The following MAD2L2 variants were observed in gnomAD, a reference collection of about 807,000 sequenced individuals.
MAD2L2 encodes the protein mitotic arrest deficient 2 like 2.
A neutral mutation model predicts 30.5 loss-of-function variants in MAD2L2; 17 were observed. That is an observed-to-expected ratio of 0.56 (90% CI 0.38 to 0.84). MAD2L2 has a LOEUF of 0.84. Among genes scored for constraint, MAD2L2 ranks in the 40% least tolerant of loss-of-function variants. The pLI is 0.00. For missense variants in MAD2L2, 213 were observed against 277.4 expected, an observed-to-expected ratio of 0.77 and a Z score of 1.65; for synonymous variants, 101 against 113.9, an observed-to-expected ratio of 0.89 and a Z score of 0.72.
chr1:11,686,622 C>T (rs972960154), intron 1 of MAD2L2, among the ~76,000 whole-genome samples: 2 of 152,030 alleles, frequency 1.3e-5, no homozygotes, highest in South Asian at 2.1e-4. Context: ...AGGCTGGCCT[C>T]GAACTCCTGA....
intron 4 of MAD2L2, chr1:11,677,333 C>T: frequency 1.6e-6 from 1 of 610,376 alleles, no homozygotes; most frequent in Non-Finnish European, 2.9e-6. Flanking sequence ...GGCTCCCAGG[C>T]CCAAGGCACC....
intron 1 of MAD2L2, among the ~76,000 whole-genome samples, chr1:11,689,709 C>T (rs1375359077): frequency 6.6e-6 from 1 of 152,200 alleles, no homozygotes; most frequent in Non-Finnish European, 1.5e-5. Context: ...TGGTGCTGTG[C>T]TGTCTATGGA....
chr1:11,683,959 G>A (rs1216341532), upstream of MAD2L2, among the ~76,000 whole-genome samples: 3 of 152,090 alleles, frequency 2.0e-5, no homozygotes, highest in Non-Finnish European at 4.4e-5. Flanking sequence ...CAACAAGAGC[G>A]AGAACTCCAT....
At position 11,687,102 on chromosome 1, in the gene MAD2L2, G is replaced by A. The variant is rs1041047246; in HGVS notation, c.-692+4311C>T. 2.0e-5 allele frequency among the ~76,000 whole-genome samples: 3 copies of A among 152,050 alleles called. No individual in the cohort carries two copies. Among genetic ancestry groups the A allele is most frequent in the Non-Finnish European group, 4.4e-5 (3 of 68,022 alleles). ...TTTTTTGGAGACAGGGTCTCACTCT[G>A]TCATCTAGGCTGGAGTGCAGTGACG... On this transcript the variant is annotated intron_variant, in intron 1 of 10. Coordinates refer to the MAD2L2 transcript ENST00000235310. This position sits in a 1 kb window ranked among gnomAD's most constrained non-coding sequence, Gnocchi z 4.1.
At chr1:11,684,404 T>C (rs538981882), upstream of MAD2L2, among the ~76,000 whole-genome samples, 160 of 152,138 alleles carry the variant, frequency 1.1e-3, 1 homozygote, top group Middle Eastern at 3.4e-3. Context: ...ATAATGACAA[T>C]ATGTAGGAGG....
rs376968535 is a variant in MAD2L2, at chr1:11,677,453, G to A, written c.231+90C>T. 4.5e-5 allele frequency: 57 copies of A among 1,279,286 alleles called. 3 individuals are homozygous for A. The highest frequency in any genetic ancestry group is 1.3e-4 in the African/African-American group (9 of 68,254). 79.2% of individuals were successfully genotyped at this position (1,279,286 alleles called of 1,614,324 possible). A position where few individuals can be genotyped will look rare whatever the true frequency, so the allele number is the denominator to read the frequency against. On this transcript the variant is annotated intron_variant, in intron 4 of 8. Coordinates refer to ENST00000376692, the MANE Select transcript of MAD2L2 (RefSeq NM_006341.4). ...GCCATGAAGACCCCACAGAGTCCTAGCTTCACCCCATCCCAGAGTTGGACT... is the reference window on the plus strand; with the variant it reads ...GCCATGAAGACCCCACAGAGTCCTAACTTCACCCCATCCCAGAGTTGGACT...
chr1:11,685,570 G>T (rs1007841663), upstream of MAD2L2, among the ~76,000 whole-genome samples: 6 of 152,192 alleles, frequency 3.9e-5, no homozygotes, highest in African/African-American at 1.4e-4. Flanking sequence ...ACCTCAGTTT[G>T]CTCATCTGTA....
chr1:11,676,508 G>T (rs1380861982), intron 5 of MAD2L2, among the ~76,000 whole-genome samples: 1 of 152,186 alleles, frequency 6.6e-6, no homozygotes, highest in Non-Finnish European at 1.5e-5. Context: ...GTTGGTGCCA[G>T]ATTCCAGTGC....
In MAD2L2 at chr1:11,675,740, G is replaced by A. The variant is rs375506566; in HGVS notation, c.428-9C>T. The A allele has an allele frequency of 4.1e-5, 66 of 1,613,284 alleles. No homozygotes were observed. The African/African-American group carries it at 7.9e-4, about 19-fold the overall frequency. The stretch of plus-strand genomic sequence containing the variant: ...GACTGTGAAGGTACAGCCTGGAGAG[G>A]CAAGAGGTTGGTGGAGGCTCCCCCA... On this transcript the variant is annotated splice_polypyrimidine_tract_variant and intron_variant, in intron 6 of 8. Coordinates refer to ENST00000376692, the MANE Select transcript of MAD2L2 (RefSeq NM_006341.4).
chr1:11,680,863 C>T (rs531951305), intron 1 of MAD2L2, 176 bp downstream of exon 1: 1 of 1,084,376 alleles, frequency 9.2e-7, no homozygotes, highest in African/African-American at 1.6e-5. Context: ...AAGACCACAG[C>T]TGTGCCCCCG....
At chr1:11,683,510 A>G (rs1005914077), upstream of MAD2L2, among the ~76,000 whole-genome samples, 4 of 151,210 alleles carry the variant, frequency 2.6e-5, no homozygotes, top group Admixed American at 2.6e-4. Flanking sequence ...GACTTTGGGG[A>G]CTCGGGGGGA....
Position 11,675,150 on chromosome 1 carries a change from C to T in MAD2L2, c.526G>A (p.Glu176Lys), listed in dbSNP as rs1640737053. ...IKDFPWILAD[E>K]QDVHMHDPRL... ...GGGTCATGCATGTGGACATCCTGCTCATCCGCCAGGATCCAGGGGAAATCC... is the reference window on the plus strand; with the variant it reads ...GGGTCATGCATGTGGACATCCTGCTTATCCGCCAGGATCCAGGGGAAATCC... The change falls in exon 8 of 9, where the codon GAG becomes AAG. Residue 176 changes from glutamate (E) to lysine (K), a missense_variant. By Grantham distance (56) the Glu-to-Lys change is moderately conservative. Transcript: ENST00000376692. 6.2e-7 allele frequency: 1 copy of T among 1,603,120 alleles called. No individual in the cohort carries two copies. The highest frequency in any genetic ancestry group is 8.5e-7 in the Non-Finnish European group (1 of 1,173,866).
At chr1:11,677,798 G>A (rs1335712725) in intron 3 of MAD2L2, among the ~76,000 whole-genome samples, 184 bp from the exon 4 acceptor site, 2 of 151,702 alleles carry the variant, frequency 1.3e-5, no homozygotes, top group South Asian at 2.1e-4. Flanking sequence ...GGTGGCTCAC[G>A]CCTATAATCT....
chr1:11,680,343 C>G lies in MAD2L2; in HGVS notation c.159+10G>C. The G allele has an allele frequency of 6.2e-7, 1 of 1,608,714 alleles. No individual in the cohort carries two copies. The highest frequency in any genetic ancestry group is 8.5e-7 in the Non-Finnish European group (1 of 1,175,728). ...CTGTACCCACTCTGTGGTTCTGGGACGTGCCTCACCTGGACCGGCACGTTG... is the reference window on the plus strand; with the variant it reads ...CTGTACCCACTCTGTGGTTCTGGGAGGTGCCTCACCTGGACCGGCACGTTG... On this transcript the variant is annotated intron_variant, in intron 3 of 8. Transcript: ENST00000376692.
chr1:11,680,375 T>C lies in MAD2L2; in HGVS notation c.137A>G (p.Lys46Arg). Residue 46 changes from lysine (K) to arginine (R), a missense_variant, in exon 3 of 9, where the codon AAG becomes AGG. Physicochemically the swap from Lys to Arg is conservative, Grantham distance 26 (BLOSUM62 2). Coordinates refer to ENST00000376692, the MANE Select transcript of MAD2L2 (RefSeq NM_006341.4). Reference sequence around the variant, plus strand: ...CACCTGGACCGGCACGTTGTACTTCTTGCGTTTCTGGAAGATGCCCACGGG... The same window carrying C: ...CACCTGGACCGGCACGTTGTACTTCCTGCGTTTCTGGAAGATGCCCACGGG... The part of the protein sequence containing the change: ...VYPVGIFQKR[K>R]KYNVPVQMSC... The C allele has an allele frequency of 6.2e-7, 1 of 1,613,964 alleles. No individual in the cohort carries two copies. Among genetic ancestry groups the C allele is most frequent in the Non-Finnish European group, 8.5e-7 (1 of 1,179,902 alleles).
At chr1:11,691,752 C>G (rs1484690307), upstream of MAD2L2, 1 of 151,172 alleles carries the variant, frequency 6.6e-6, no homozygotes, top group Non-Finnish European at 1.5e-5. Flanking sequence ...GCCCGCGCAC[C>G]TCTCCACGCC....
chr1:11,675,448 C>G (rs1323136689), intron 7 of MAD2L2, among the ~76,000 whole-genome samples: 1 of 152,224 alleles, frequency 6.6e-6, no homozygotes, highest in Non-Finnish European at 1.5e-5. Context: ...CCAGGATGAG[C>G]TGGGGGCCCC....
At position 11,675,092 on chromosome 1, in the gene MAD2L2, T is replaced by C. The variant is rs761970716; in HGVS notation, c.584A>G (p.Asp195Gly). The C allele has an allele frequency of 6.3e-7, 1 of 1,593,924 alleles. No homozygotes were observed. Among genetic ancestry groups the C allele is most frequent in the Non-Finnish European group, 8.5e-7 (1 of 1,170,102 alleles). ...CCCCACGAAGCTCACCTTTAAAATG[T>C]CCGACGTCATGGTTTTTAGTGGTAT... The part of the protein sequence containing the change: ...RLIPLKTMTS[D>G]ILKMQLYVEE... The change falls in exon 8 of 9, where the codon GAC becomes GGC. Residue 195 changes from aspartate (D) to glycine (G), a missense_variant. Asp to Gly is a moderately conservative substitution (Grantham distance 94, BLOSUM62 -1). Coordinates refer to ENST00000376692, the MANE Select transcript of MAD2L2 (RefSeq NM_006341.4).
chr1:11,675,529 C>G (rs973291767), intron 7 of MAD2L2, 129 bp downstream of exon 7: 10 of 911,504 alleles, frequency 1.1e-5, no homozygotes, highest in African/African-American at 4.9e-5. Flanking sequence ...GCCTGAGGAC[C>G]TGCTGGGTGC....
Sources: gnomAD v4.1 joint callset for allele counts (sites outside exome capture counted in the v4.1 genomes callset) on GRCh38, gnomAD v4.1.1 for gene constraint, Gnocchi (gnomAD v3.1) non-coding constraint, MANE v1.5 for transcripts, NCBI Gene and HGNC (gene_info 2026-07-23, HGNC 2026-07-21) for gene names.